The following ATP8A2 variants were observed in gnomAD, a reference collection of about 807,000 sequenced individuals.
ATP8A2 encodes ATPase phospholipid transporting 8A2, also known as phospholipid-transporting ATPase IB.
Under a neutral mutation model 165.6 loss-of-function variants are expected in ATP8A2, and 100 were observed. The ratio of observed to expected loss-of-function variants is 0.60; its 90% confidence interval spans 0.51 to 0.71. The LOEUF is 0.71. Ranked by LOEUF, ATP8A2 falls within the 30% of genes least tolerant of loss-of-function variation. The pLI is 0.00. For missense variants in ATP8A2, 1,227 were observed against 1,479.5 expected, an observed-to-expected ratio of 0.83 and a Z score of 2.80; for synonymous variants, 543 against 548.8, an observed-to-expected ratio of 0.99 and a Z score of 0.15.
At chr13:25,844,332 G>T (rs1951810932) in intron 30 of ATP8A2, among the ~76,000 whole-genome samples, 1 of 151,950 alleles carries the variant, frequency 6.6e-6, no homozygotes, top group Non-Finnish European at 1.5e-5. Flanking sequence ...CCATGTTCAA[G>T]TGATTCTCCT....
intron 25 of ATP8A2, among the ~76,000 whole-genome samples, chr13:25,728,893 C>T (rs184277703): frequency 9.2e-5 from 14 of 152,272 alleles, no homozygotes; most frequent in African/African-American, 3.4e-4. Flanking sequence ...CATATGCGTG[C>T]TCCTTGGAAA....
chr13:25,481,569 T>G (rs1206446471), intron 2 of ATP8A2, among the ~76,000 whole-genome samples: 1 of 152,188 alleles, frequency 6.6e-6, no homozygotes, highest in African/African-American at 2.4e-5. Context: ...TGTGTAGTAG[T>G]AAGGAGAGAG....
rs1955439310 is a variant in ATP8A2, at chr13:25,953,669, G to A, written c.3184-7906G>A. ...TGAGGAACCTGGTTCATCTCACTGG[G>A]ACTGGTTAGATAGTGGGTGCAGCCC... On this transcript the variant is annotated intron_variant, in intron 33 of 36. Coordinates refer to ENST00000381655, the MANE Select transcript of ATP8A2 (RefSeq NM_016529.6). This position sits in a 1 kb window ranked among gnomAD's most constrained non-coding sequence, Gnocchi z 6.7. Among the ~76,000 whole-genome samples, 1 of 151,970 alleles carries A rather than the reference G, an allele frequency of 6.6e-6. No homozygotes were observed. The highest frequency in any genetic ancestry group is 1.9e-4 in the East Asian group (1 of 5,150).
rs770676039 is a variant in ATP8A2, at chr13:25,602,935, G to C, written c.2211+13236G>C. Among the ~76,000 whole-genome samples the C allele has an allele frequency of 7.0e-4, 106 of 152,082 alleles. 1 individual carries two copies. Among genetic ancestry groups the C allele is most frequent in the Non-Finnish European group, 3.4e-4 (23 of 67,964 alleles). On this transcript the variant is annotated intron_variant, in intron 24 of 36. Transcript: ENST00000381655. ...AAATACAAAAAAATTAGCCAGGCAT[G>C]GGGGGGTGTGCCTGTAGTCCCAACT...
At chr13:25,644,718 T>A (rs1011588916) in intron 24 of ATP8A2, among the ~76,000 whole-genome samples, 3 of 152,180 alleles carry the variant, frequency 2.0e-5, no homozygotes, top group African/African-American at 7.2e-5. Context: ...TTATTACTGA[T>A]TCAATCTCCT....
chr13:25,798,374 A>AG (rs766262156), intron 27 of ATP8A2, among the ~76,000 whole-genome samples: 5 of 152,154 alleles, frequency 3.3e-5, no homozygotes, highest in Non-Finnish European at 7.4e-5. Flanking sequence ...CTGTTTGTTT[A>AG]GGGGAGGGCA....
At chr13:25,931,960 A>G (rs1954779136) in intron 33 of ATP8A2, among the ~76,000 whole-genome samples, 1 of 151,746 alleles carries the variant, frequency 6.6e-6, no homozygotes, top group Non-Finnish European at 1.5e-5. Context: ...AGGCAGGAGA[A>G]TCACTTGAAC....
intron 33 of ATP8A2, among the ~76,000 whole-genome samples, chr13:25,889,275 A>ATATATATATATATATAT (rs1566239890): frequency 1.3e-4 from 11 of 84,882 alleles, no homozygotes; most frequent in African/African-American, 4.7e-4. Flanking sequence ...TATATATATA[A>ATATATATATATATATAT]AATTTAAATG....
chr13:25,610,282 G>T (rs1475811839), intron 24 of ATP8A2, among the ~76,000 whole-genome samples: 2 of 152,056 alleles, frequency 1.3e-5, no homozygotes, highest in Non-Finnish European at 2.9e-5. Flanking sequence ...ATCTTGAGTT[G>T]ATTTTTGTAT....
chr13:25,584,998 A>C (rs994235265), intron 23 of ATP8A2, among the ~76,000 whole-genome samples: 1 of 152,020 alleles, frequency 6.6e-6, no homozygotes, highest in Non-Finnish European at 1.5e-5. Flanking sequence ...ATATATATCT[A>C]TCTCGTAGTT....
At chr13:25,767,913 T>A (rs2138281748) in intron 25 of ATP8A2, among the ~76,000 whole-genome samples, 1 of 152,248 alleles carries the variant, frequency 6.6e-6, no homozygotes, top group Middle Eastern at 3.4e-3. Flanking sequence ...CAGGTATCTT[T>A]GTGGGTAGAG....
chr13:25,862,349 T>C lies in ATP8A2; in HGVS notation c.3124T>C (p.Phe1042Leu). The C allele has an allele frequency of 6.2e-7, 1 of 1,614,146 alleles. No homozygotes were observed. Among genetic ancestry groups the C allele is most frequent in the Non-Finnish European group, 8.5e-7 (1 of 1,180,002 alleles). ...AAGCATGCTGACCTGGCTGGTGTTT[T>C]TTGGCATCTACTCGACCATCTGGCC... ...WGSMLTWLVF[F>L]GIYSTIWPTI... is the part of the protein sequence containing the mutation. The change falls in exon 33 of 37, where the codon TTT becomes CTT. Residue 1042 changes from phenylalanine (F) to leucine (L), a missense_variant. By Grantham distance (22) the Phe-to-Leu change is conservative (BLOSUM62 0). Coordinates refer to ENST00000381655, the MANE Select transcript of ATP8A2 (RefSeq NM_016529.6).
At chr13:25,464,214 T>A (rs1253932811) in intron 1 of ATP8A2, among the ~76,000 whole-genome samples, 1 of 152,170 alleles carries the variant, frequency 6.6e-6, no homozygotes, top group African/African-American at 2.4e-5. Flanking sequence ...CTGGTGGTGA[T>A]CTACAGGTGA....
At chr13:25,531,309 TATATATGTTATATATG>T (rs1377192138) in intron 4 of ATP8A2, among the ~76,000 whole-genome samples, 8 of 124,422 alleles carry the variant, frequency 6.4e-5, no homozygotes, top group Non-Finnish European at 1.1e-4. Flanking sequence ...TTATATATGA[TATATATGTTATATATG>T]ATATATATAT....
intron 35 of ATP8A2, among the ~76,000 whole-genome samples, chr13:25,994,374 C>A (rs1956453584): frequency 6.6e-6 from 1 of 151,696 alleles, no homozygotes; most frequent in Non-Finnish European, 1.5e-5. Context: ...ATTTCCTTTT[C>A]TTGTGTTATT....
chr13:25,837,065 G>A, intron 28 of ATP8A2, 98 bp from the exon 29 acceptor site: 2 of 1,475,226 alleles, frequency 1.4e-6, no homozygotes, highest in South Asian at 1.3e-5. Context: ...CTCAGGTTTG[G>A]ACTTGACTGG....
chr13:25,504,800 T>C (rs1481373568), intron 2 of ATP8A2, among the ~76,000 whole-genome samples: 4 of 151,106 alleles, frequency 2.6e-5, no homozygotes, highest in Admixed American at 2.0e-4. Context: ...CACTTTATAG[T>C]GTGATGGGAA....
At chr13:25,974,654 C>T (rs1040527865) in intron 35 of ATP8A2, among the ~76,000 whole-genome samples, 4 of 152,112 alleles carry the variant, frequency 2.6e-5, no homozygotes, top group African/African-American at 9.7e-5. Flanking sequence ...CTGTCTGTAA[C>T]GTCTATGCCG....
At chr13:25,800,824 G>A (rs920480747) in intron 27 of ATP8A2, among the ~76,000 whole-genome samples, 3 of 152,082 alleles carry the variant, frequency 2.0e-5, no homozygotes, top group African/African-American at 7.2e-5. Flanking sequence ...ACTGTAAGGT[G>A]TTACAGGAGA....
Sources: gnomAD v4.1 joint callset for allele counts (sites outside exome capture counted in the v4.1 genomes callset) on GRCh38, gnomAD v4.1.1 for gene constraint, Gnocchi (gnomAD v3.1) non-coding constraint, MANE v1.5 for transcripts, NCBI Gene and HGNC (gene_info 2026-07-23, HGNC 2026-07-21) for gene names.